Variants in KCNIP4 observed in about 807,000 individuals in gnomAD.
KCNIP4 encodes potassium voltage-gated channel interacting protein 4, also known as Kv channel-interacting protein 4.
A neutral mutation model predicts 34.0 loss-of-function variants in KCNIP4; 12 were observed. The ratio of observed to expected loss-of-function variants is 0.35; its 90% CI spans 0.23 to 0.57. KCNIP4 has a LOEUF of 0.57. Ranked by LOEUF, KCNIP4 falls within the 20% of genes least tolerant of loss-of-function variation. KCNIP4 has a pLI of 0.83. For synonymous variants in KCNIP4, 124 were observed against 102.2 expected, an observed-to-expected ratio of 1.21 and a Z score of -1.29; for missense variants, 238 against 311.7, an observed-to-expected ratio of 0.76 and a Z score of 1.78.
chr4:21,561,954 G>A (rs1436557474), intron 1 of KCNIP4, among the ~76,000 whole-genome samples: 2 of 151,932 alleles, frequency 1.3e-5, no homozygotes, highest in Non-Finnish European at 1.5e-5. Context: ...AAAACACTGT[G>A]GCAATAAGGA....
At chr4:20,890,194 G>A (rs909509486) in intron 1 of KCNIP4, among the ~76,000 whole-genome samples, 1 of 152,138 alleles carries the variant, frequency 6.6e-6, no homozygotes, top group Non-Finnish European at 1.5e-5. Flanking sequence ...TGCACCGAAT[G>A]AGCCAGCCAA....
chr4:20,937,661 A>G (rs1249111258), intron 1 of KCNIP4, among the ~76,000 whole-genome samples: 2 of 152,154 alleles, frequency 1.3e-5, no homozygotes, highest in Non-Finnish European at 2.9e-5. Context: ...CATAAGAAGA[A>G]AGCACCAAAA....
At chr4:21,351,726 C>T (rs1043698921) in intron 1 of KCNIP4, among the ~76,000 whole-genome samples, 2 of 152,138 alleles carry the variant, frequency 1.3e-5, no homozygotes, top group African/African-American at 4.8e-5. Flanking sequence ...CAGACATGCA[C>T]ATGCACAGAG....
intron 3 of KCNIP4, among the ~76,000 whole-genome samples, chr4:20,779,613 A>T (rs1220106045): frequency 6.7e-6 from 1 of 149,232 alleles, no homozygotes; most frequent in African/African-American, 2.5e-5. Context: ...TGAAAACAAA[A>T]AAAATTTCAG....
intron 1 of KCNIP4, among the ~76,000 whole-genome samples, chr4:21,069,414 AT>A (rs1744697408): frequency 6.6e-6 from 1 of 152,210 alleles, no homozygotes; most frequent in Admixed American, 6.5e-5. Context: ...CACCTTGGAT[AT>A]TTGAAACCAG....
chr4:21,353,006 G>A (rs1340043255), intron 1 of KCNIP4, among the ~76,000 whole-genome samples: 2 of 152,130 alleles, frequency 1.3e-5, no homozygotes, highest in Admixed American at 6.5e-5. Context: ...AGGCAAACAG[G>A]GTCTGAAGTG....
chr4:20,848,962 C>T (rs1370346119), intron 3 of KCNIP4, among the ~76,000 whole-genome samples: 2 of 152,164 alleles, frequency 1.3e-5, no homozygotes, highest in Non-Finnish European at 2.9e-5. Flanking sequence ...TCCTTTCTGT[C>T]CTTGCTGCTC....
intron 1 of KCNIP4, among the ~76,000 whole-genome samples, chr4:21,192,911 C>A (rs1269226909): frequency 7.3e-6 from 1 of 137,640 alleles, no homozygotes; most frequent in Non-Finnish European, 1.5e-5. Flanking sequence ...CCTGCCGCCC[C>A]GTCTCTACTA....
chr4:21,444,051 T>C (rs1444688976), intron 1 of KCNIP4, among the ~76,000 whole-genome samples: 2 of 152,164 alleles, frequency 1.3e-5, no homozygotes, highest in East Asian at 3.9e-4. Flanking sequence ...CCTCGACACA[T>C]ACACCCTCCC....
Position 21,605,665 on chromosome 4 carries a change from G to A in KCNIP4, c.61+342906C>T, listed in dbSNP as rs1177949662. 2.6e-5 allele frequency among the ~76,000 whole-genome samples: 4 copies of A among 152,018 alleles called. No individual in the cohort carries two copies. In the South Asian group the frequency reaches 8.3e-4, roughly 32 times the overall value. The stretch of plus-strand genomic sequence containing the variant: ...CCAGCTAATTTTTGTATTTTTAGTA[G>A]AGATGGGGTTTCACCATGTTGGCCA... On this transcript the variant is annotated intron_variant, in intron 1 of 8. Transcript: ENST00000382152.
intron 1 of KCNIP4, chr4:21,847,412 TG>T (rs1724088495): frequency 6.6e-6 from 1 of 152,052 alleles, no homozygotes; most frequent in African/African-American, 2.4e-5. Context: ...CAGCACCTAG[TG>T]AAAAAAAACA....
At chr4:21,422,579 G>T (rs1161389195) in intron 1 of KCNIP4, among the ~76,000 whole-genome samples, 1 of 151,966 alleles carries the variant, frequency 6.6e-6, no homozygotes. Context: ...AGCAATCTTG[G>T]GGGTGATGCT....
chr4:20,992,668 G>T (rs1255582966), intron 1 of KCNIP4, among the ~76,000 whole-genome samples: 2 of 151,970 alleles, frequency 1.3e-5, no homozygotes, highest in Admixed American at 6.6e-5. Context: ...AAGTCTCAAT[G>T]ACTTGGAAAT....
At chr4:21,719,956 T>A (rs1474857102) in intron 1 of KCNIP4, among the ~76,000 whole-genome samples, 1 of 80,672 alleles carries the variant, frequency 1.2e-5, no homozygotes, top group Non-Finnish European at 2.0e-5. Context: ...AGAGTGAAGC[T>A]CCATCTCAAA....
intron 1 of KCNIP4, among the ~76,000 whole-genome samples, chr4:20,951,547 A>C (rs530604985): frequency 2.6e-5 from 4 of 152,328 alleles, no homozygotes; most frequent in Non-Finnish European, 5.9e-5. Flanking sequence ...TTCCTTCTTA[A>C]TAAAAGACTA....
At chr4:21,513,113 C>A (rs1366389457) in intron 1 of KCNIP4, among the ~76,000 whole-genome samples, 1 of 152,202 alleles carries the variant, frequency 6.6e-6, no homozygotes, top group African/African-American at 2.4e-5. Context: ...CAGAGAAACA[C>A]TAGTCATTTG....
At chr4:21,589,585 A>G (rs1305100837) in intron 1 of KCNIP4, among the ~76,000 whole-genome samples, 2 of 151,868 alleles carry the variant, frequency 1.3e-5, no homozygotes, top group African/African-American at 4.8e-5. Context: ...AAGAAGCTAC[A>G]TTTAAGAAGC....
intron 1 of KCNIP4, among the ~76,000 whole-genome samples, chr4:21,807,403 C>T (rs6448091): frequency 0.9 from 136,929 of 152,222 alleles, 61,610 homozygotes; most frequent in South Asian, 0.92. Flanking sequence ...TGATGGCATG[C>T]GTGTTAATAC....
chr4:21,123,900 G>T (rs922990249), intron 1 of KCNIP4, among the ~76,000 whole-genome samples: 1 of 152,130 alleles, frequency 6.6e-6, no homozygotes, highest in African/African-American at 2.4e-5. Context: ...ACATAACCAC[G>T]CTGGCACCCT....
Sources: gnomAD v4.1 joint callset for allele counts (sites outside exome capture counted in the v4.1 genomes callset) on GRCh38, gnomAD v4.1.1 for gene constraint, MANE v1.5 for transcripts, NCBI Gene and HGNC (gene_info 2026-07-23, HGNC 2026-07-21) for gene names.